MDGA2: variants seen among roughly 807,000 people sequenced by gnomAD.
MDGA2 encodes MAM domain containing glycosylphosphatidylinositol anchor 2.
A neutral mutation model predicts 117.8 loss-of-function variants in MDGA2; 40 were observed. That is an observed-to-expected ratio of 0.34 (90% CI 0.26 to 0.44). The LOEUF (loss-of-function observed/expected upper bound fraction) is 0.44, where lower values mean the gene tolerates loss of function less well. Among genes scored for constraint, MDGA2 ranks in the 20% least tolerant of loss-of-function variants. The pLI, the probability that MDGA2 is intolerant of heterozygous loss-of-function variation, is 1.00. For missense variants in MDGA2, 1,123 were observed against 1,250.6 expected, an observed-to-expected ratio of 0.90 and a Z score of 1.54; for synonymous variants, 452 against 439.0, an observed-to-expected ratio of 1.03 and a Z score of -0.37.
At chr14:47,454,001 G>A (rs1893293697) in intron 1 of MDGA2, among the ~76,000 whole-genome samples, 1 of 151,988 alleles carries the variant, frequency 6.6e-6, no homozygotes, top group Admixed American at 6.6e-5. Context: ...AGATGATGTA[G>A]CAGATGTTAA....
intron 6 of MDGA2, among the ~76,000 whole-genome samples, chr14:47,070,077 A>G (rs529094029): frequency 2.0e-5 from 3 of 152,142 alleles, no homozygotes; most frequent in Non-Finnish European, 4.4e-5. Context: ...CAATCCAATT[A>G]TATGCTTTGT....
At chr14:47,496,952 G>A (rs543894244) in intron 1 of MDGA2, among the ~76,000 whole-genome samples, 1 of 151,856 alleles carries the variant, frequency 6.6e-6, no homozygotes, top group African/African-American at 2.4e-5. Flanking sequence ...TTCTCATAAG[G>A]AGCAGGCAAA....
intron 9 of MDGA2, among the ~76,000 whole-genome samples, chr14:46,931,388 A>T (rs964226910): frequency 6.6e-6 from 1 of 152,006 alleles, no homozygotes; most frequent in Non-Finnish European, 1.5e-5. Context: ...ATCAGGGAAA[A>T]TATCTCCCCT....
intron 2 of MDGA2, among the ~76,000 whole-genome samples, chr14:47,226,887 T>G (rs1232635257): frequency 2.6e-5 from 4 of 152,162 alleles, no homozygotes. Flanking sequence ...TGAGACTATG[T>G]GCTATTATAT....
chr14:47,252,363 C>G (rs1294333496), intron 2 of MDGA2, among the ~76,000 whole-genome samples: 1 of 152,110 alleles, frequency 6.6e-6, no homozygotes, highest in African/African-American at 2.4e-5. Context: ...GTGACAGCAT[C>G]TTTTCACATA....
intron 1 of MDGA2, among the ~76,000 whole-genome samples, chr14:47,498,275 C>T (rs553519134): frequency 7.2e-5 from 11 of 152,150 alleles, no homozygotes; most frequent in Non-Finnish European, 1.2e-4. Flanking sequence ...GTAATATAAT[C>T]CTTTTCATTT....
intron 1 of MDGA2, among the ~76,000 whole-genome samples, chr14:47,439,250 A>T (rs938799832): frequency 3.3e-5 from 5 of 152,152 alleles, no homozygotes; most frequent in African/African-American, 1.2e-4. Flanking sequence ...CTTAAGTCAA[A>T]TAAGGAAATG....
chr14:47,031,098 T>A (rs71418130), intron 8 of MDGA2, among the ~76,000 whole-genome samples: 7,469 of 152,034 alleles, frequency 0.049, 237 homozygotes, highest in Middle Eastern at 0.075. Flanking sequence ...GTATAAACAT[T>A]ATAATTTTGT....
At chr14:47,031,508 A>G (rs984119874) in intron 8 of MDGA2, among the ~76,000 whole-genome samples, 6 of 152,178 alleles carry the variant, frequency 3.9e-5, no homozygotes, top group Non-Finnish European at 8.8e-5. Flanking sequence ...AGAATTTGTC[A>G]ATGTAATAAA....
At chr14:47,184,148 T>C (rs1036850680) in intron 3 of MDGA2, among the ~76,000 whole-genome samples, 9 of 151,972 alleles carry the variant, frequency 5.9e-5, no homozygotes, top group African/African-American at 2.2e-4. Context: ...AAAACATTTA[T>C]TTTCTTAAGT....
At chr14:46,877,796 A>C (rs1265816549) in intron 11 of MDGA2, among the ~76,000 whole-genome samples, 1 of 151,868 alleles carries the variant, frequency 6.6e-6, no homozygotes, top group East Asian at 1.9e-4. Flanking sequence ...CTGACCTCTT[A>C]AATATCTGAA....
chr14:47,492,099 T>C (rs1396119354), intron 1 of MDGA2, among the ~76,000 whole-genome samples: 2 of 152,128 alleles, frequency 1.3e-5, no homozygotes, highest in African/African-American at 4.8e-5. Flanking sequence ...CAAATATAAA[T>C]TCTTCTTTTC....
chr14:47,622,765 G>T (rs1897072958), intron 1 of MDGA2, among the ~76,000 whole-genome samples: 1 of 152,190 alleles, frequency 6.6e-6, no homozygotes, highest in Non-Finnish European at 1.5e-5. Flanking sequence ...AATCTTCAGA[G>T]TTGGGCGATT....
chr14:47,550,326 A>C (rs1413049656), intron 1 of MDGA2, among the ~76,000 whole-genome samples: 3 of 152,262 alleles, frequency 2.0e-5, no homozygotes, highest in African/African-American at 7.2e-5. Flanking sequence ...TTCTTTGTGA[A>C]TAAAATGATT....
chr14:46,999,945 A>G (rs1441472473), intron 8 of MDGA2, among the ~76,000 whole-genome samples: 10 of 152,044 alleles, frequency 6.6e-5, no homozygotes, highest in Non-Finnish European at 4.4e-5. Flanking sequence ...GATGTAACAC[A>G]TAGTATTTAA....
intron 9 of MDGA2, among the ~76,000 whole-genome samples, chr14:46,929,660 TTTTTTTTC>T (rs1884488374): frequency 4.0e-5 from 3 of 75,312 alleles, no homozygotes; most frequent in East Asian, 6.1e-4. Flanking sequence ...TTTTTTTTTT[TTTTTTTTC>T]GAGATGGACT....
intron 1 of MDGA2, among the ~76,000 whole-genome samples, chr14:47,523,508 T>TAACC (rs1174755821): frequency 5.3e-5 from 8 of 152,196 alleles, no homozygotes; most frequent in African/African-American, 1.9e-4. Flanking sequence ...GAGACTGGAA[T>TAACC]TCAGAATACT....
intron 10 of MDGA2, among the ~76,000 whole-genome samples, chr14:46,887,547 G>A (rs1449566036): frequency 3.3e-5 from 5 of 151,940 alleles, no homozygotes; most frequent in Non-Finnish European, 7.4e-5. Flanking sequence ...CCTCCAAGGA[G>A]TACGGCAGAA....
At chr14:47,302,953 A>G (rs1594783599) in intron 1 of MDGA2, among the ~76,000 whole-genome samples, 1 of 152,174 alleles carries the variant, frequency 6.6e-6, no homozygotes, top group Admixed American at 6.5e-5. Context: ...CTGTTACTCA[A>G]CCTTGAAACT....
Sources: gnomAD v4.1 joint callset for allele counts (sites outside exome capture counted in the v4.1 genomes callset) on GRCh38, gnomAD v4.1.1 for gene constraint, MANE v1.5 for transcripts, NCBI Gene and HGNC (gene_info 2026-07-23, HGNC 2026-07-21) for gene names.